DENND5A: variants seen among roughly 807,000 people sequenced by gnomAD.
The protein encoded by DENND5A is DENN domain-containing protein 5A.
DENND5A carries 64 observed loss-of-function variants against 140.3 expected under a neutral mutation model. That is an observed-to-expected ratio of 0.46 (90% CI 0.37 to 0.56). The LOEUF is 0.56. DENND5A is among the 20% of genes least tolerant of loss of function. The pLI is 0.00. For synonymous variants in DENND5A, 605 were observed against 607.7 expected, an observed-to-expected ratio of 1.00 and a Z score of 0.07; for missense variants, 1,292 against 1,593.8, an observed-to-expected ratio of 0.81 and a Z score of 3.22.
chr11:9,222,278 C>T (rs1850343975), intron 1 of DENND5A, among the ~76,000 whole-genome samples: 2 of 137,392 alleles, frequency 1.5e-5, no homozygotes, highest in Admixed American at 1.6e-4. Flanking sequence ...TATAATATTT[C>T]AGCATGTCTC....
intron 1 of DENND5A, among the ~76,000 whole-genome samples, chr11:9,215,160 T>A (rs1303296141): frequency 2.6e-5 from 4 of 152,216 alleles, no homozygotes; most frequent in African/African-American, 9.6e-5. Flanking sequence ...TCTTTCTCAA[T>A]ACATTTACTT....
chr11:9,213,552 A>C (rs537654717), intron 1 of DENND5A, among the ~76,000 whole-genome samples: 3 of 151,826 alleles, frequency 2.0e-5, no homozygotes, highest in Admixed American at 6.6e-5. Flanking sequence ...TCACACCTGT[A>C]ATCCCAGCAT....
intron 1 of DENND5A, among the ~76,000 whole-genome samples, chr11:9,224,478 CTT>C (rs1850450205): frequency 6.6e-6 from 1 of 152,136 alleles, no homozygotes. Flanking sequence ...TGCTTTCATT[CTT>C]TGTTAGATGT....
chr11:9,198,286 C>G (rs761020945), intron 4 of DENND5A, among the ~76,000 whole-genome samples: 1 of 150,846 alleles, frequency 6.6e-6, no homozygotes, highest in Non-Finnish European at 1.5e-5. Context: ...TGTTCTTTTG[C>G]AAGGTTCTTT....
At chr11:9,190,766 A>T (rs566253933) in intron 5 of DENND5A, among the ~76,000 whole-genome samples, 1 of 152,256 alleles carries the variant, frequency 6.6e-6, no homozygotes, top group South Asian at 2.1e-4. Context: ...CTGGGTGGTA[A>T]AATTTGAGGT....
Position 9,165,962 on chromosome 11 carries a change from G to T in DENND5A, c.2157C>A (p.Tyr719Ter), listed in dbSNP as rs1157828557. 6.2e-7 allele frequency: 1 copy of T among 1,613,900 alleles called. No individual in the cohort carries two copies. Among genetic ancestry groups the T allele is most frequent in the African/African-American group, 1.3e-5 (1 of 74,894 alleles). ...TGCCCATAGTCCTGGCTTCCTGGAT[G>T]TACTTCTATATCAAACAGAAAAATA... ...LRLDNDQREK[Y>*]IQEARTMGST... The change falls in exon 11 of 23, where the codon TAC becomes TAA. Residue 719 changes from tyrosine to a stop codon, truncating the protein, a stop_gained. Transcript: ENST00000328194. LOFTEE classifies it high-confidence loss of function.
chr11:9,230,579 G>A (rs1264138330), intron 1 of DENND5A, among the ~76,000 whole-genome samples: 1 of 152,072 alleles, frequency 6.6e-6, no homozygotes, highest in Non-Finnish European at 1.5e-5. Flanking sequence ...TGTTGCAGAA[G>A]TGTCAGCCAT....
At chr11:9,249,582 CTT>C (rs1426557957) in intron 1 of DENND5A, among the ~76,000 whole-genome samples, 2 of 151,978 alleles carry the variant, frequency 1.3e-5, no homozygotes, top group African/African-American at 4.8e-5. Flanking sequence ...GAGTTTCGCT[CTT>C]GTTGCCCAAA....
chr11:9,169,427 T>A (rs1314226942), intron 10 of DENND5A, among the ~76,000 whole-genome samples: 1 of 151,482 alleles, frequency 6.6e-6, no homozygotes, highest in African/African-American at 2.4e-5. Context: ...GCCTGGGCGA[T>A]AAAAGCGAGA....
chr11:9,170,983 A>G, intron 8 of DENND5A: 1 of 830,540 alleles, frequency 1.2e-6, no homozygotes, highest in African/African-American at 1.7e-5. Flanking sequence ...GACATCAGGC[A>G]ATGAAGGGCA....
chr11:9,166,031 C>A, intron 10 of DENND5A, 64 bp from the exon 11 acceptor site: 1 of 1,499,752 alleles, frequency 6.7e-7, no homozygotes, highest in Non-Finnish European at 9.2e-7. Context: ...GTCAGCAGTA[C>A]TGGTGGGTGC....
rs768604681 is a variant in DENND5A at position 9,164,056 on chromosome 11, G to GTTTTTTTTTTTTTTTTTTTTTT, written c.2283+1758_2283+1779dup. 3.5e-5 allele frequency among the ~76,000 whole-genome samples: 2 copies of GTTTTTTTTTTTTTTTTTTTTTT among 57,958 alleles called. 1 individual carries two copies. The highest frequency in any genetic ancestry group is 1.3e-4 in the African/African-American group (2 of 15,586). 38.0% of individuals were successfully genotyped at this position (57,958 alleles called of 152,430 possible). A position where few individuals can be genotyped will look rare whatever the true frequency, so the allele number is the denominator to read the frequency against. On this transcript the variant is annotated intron_variant, in intron 11 of 22. Coordinates refer to ENST00000328194, the MANE Select transcript of DENND5A (RefSeq NM_015213.4). ...ATATCAGTACTGATATATTAATCAG[G>GTTTTTTTTTTTTTTTTTTTTTT]TTTTTTTTTTTTTTTTTTTTTTTTT...
intron 4 of DENND5A, among the ~76,000 whole-genome samples, chr11:9,199,374 G>A (rs1849448967): frequency 1.3e-5 from 2 of 152,046 alleles, no homozygotes; most frequent in Non-Finnish European, 2.9e-5. Context: ...GTACATGCCT[G>A]TAGTCCCAGC....
intron 8 of DENND5A, chr11:9,171,302 G>A (rs1848365804): frequency 6.5e-6 from 1 of 154,050 alleles, no homozygotes; most frequent in South Asian, 2.0e-4. Context: ...CTCACACAGG[G>A]CTGGGAATAA....
At chr11:9,151,436 G>GCCAAAAAAATTCCTCATAA (rs1847612381) in intron 13 of DENND5A, among the ~76,000 whole-genome samples, 1 of 152,032 alleles carries the variant, frequency 6.6e-6, no homozygotes. Flanking sequence ...CAGAAAGCGG[G>GCCAAAAAAATTCCTCATAA]CCAAAAAAAT....
chr11:9,212,872 G>T (rs1849932524), intron 1 of DENND5A, among the ~76,000 whole-genome samples: 1 of 152,134 alleles, frequency 6.6e-6, no homozygotes, highest in Admixed American at 6.6e-5. Context: ...GTGGGGAAGG[G>T]GGAGAGTTGG....
intron 4 of DENND5A, among the ~76,000 whole-genome samples, chr11:9,196,877 C>T (rs1849347667): frequency 6.6e-6 from 1 of 151,990 alleles, no homozygotes; most frequent in African/African-American, 2.4e-5. Context: ...TCTCAAAGTG[C>T]TGGGATTACA....
intron 1 of DENND5A, among the ~76,000 whole-genome samples, chr11:9,249,820 G>C (rs1453017861): frequency 1.3e-5 from 2 of 152,136 alleles, no homozygotes; most frequent in East Asian, 3.9e-4. Context: ...AAAGTGCTGG[G>C]ATTACAGGCA....
chr11:9,190,331 G>A (rs1468722328), intron 5 of DENND5A, among the ~76,000 whole-genome samples: 1 of 152,144 alleles, frequency 6.6e-6, no homozygotes, highest in Non-Finnish European at 1.5e-5. Flanking sequence ...CGGTTTGGCT[G>A]TGTCCCCACC....
Sources: allele counts gnomAD v4.1 joint callset (sites outside exome capture counted in the v4.1 genomes callset), GRCh38; gene constraint gnomAD v4.1.1; transcripts MANE v1.5; gene names NCBI Gene and HGNC (gene_info 2026-07-23, HGNC 2026-07-21).